Variants in DOCK7 observed in about 807,000 individuals in gnomAD.
The protein encoded by DOCK7 is dedicator of cytokinesis 7, also known as dedicator of cytokinesis protein 7.
DOCK7 carries 138 observed loss-of-function variants against 271.0 expected under a neutral mutation model. The ratio of observed to expected loss-of-function variants is 0.51; its 90% CI spans 0.44 to 0.59. The LOEUF is 0.59. DOCK7 is among the 20% of genes least tolerant of loss of function. The pLI, the probability that DOCK7 is intolerant of heterozygous loss-of-function variation, is 0.00. For missense variants in DOCK7, 2,066 were observed against 2,592.4 expected, an observed-to-expected ratio of 0.80 and a Z score of 4.41; for synonymous variants, 823 against 876.1, an observed-to-expected ratio of 0.94 and a Z score of 1.07.
At chr1:62,682,671 A>G (rs1192436537) in intron 1 of DOCK7, among the ~76,000 whole-genome samples, 1 of 152,216 alleles carries the variant, frequency 6.6e-6, no homozygotes, top group Non-Finnish European at 1.5e-5. Flanking sequence ...CCAAGGATTG[A>G]TGAGGAAGAG....
chr1:62,501,335 T>C (rs1455016792), intron 37 of DOCK7, among the ~76,000 whole-genome samples: 1 of 152,070 alleles, frequency 6.6e-6, no homozygotes, highest in African/African-American at 2.4e-5. Context: ...AAGACTGAAA[T>C]GTTACAGCTA....
intron 11 of DOCK7, among the ~76,000 whole-genome samples, chr1:62,627,299 T>C (rs142403881): frequency 7.2e-5 from 11 of 152,272 alleles, no homozygotes; most frequent in African/African-American, 2.6e-4. Context: ...GAAAGACTGA[T>C]TGCATTTTCC....
chr1:62,558,968 C>T (rs77950340), intron 20 of DOCK7, 21 bp downstream of exon 20: 6 of 1,573,104 alleles, frequency 3.8e-6, no homozygotes, highest in Non-Finnish European at 5.2e-6. Flanking sequence ...CACGTCTCAT[C>T]CCCAAACAAA....
chr1:62,620,037 T>C (rs1405629049), intron 12 of DOCK7, 44 bp from the exon 13 acceptor site: 2 of 1,513,692 alleles, frequency 1.3e-6, no homozygotes, highest in South Asian at 1.1e-5. Flanking sequence ...AAAACAAATA[T>C]AGCCAGGCAC....
chr1:62,589,868 C>A, intron 14 of DOCK7, among the ~76,000 whole-genome samples: 1 of 133,688 alleles, frequency 7.5e-6, no homozygotes, highest in African/African-American at 2.9e-5. Flanking sequence ...GGTGACAGAG[C>A]AAGACTCCAT....
At chr1:62,612,714 T>C (rs1217891872) in intron 14 of DOCK7, among the ~76,000 whole-genome samples, 1 of 152,208 alleles carries the variant, frequency 6.6e-6, no homozygotes, top group East Asian at 1.9e-4. Context: ...TTAAGAGATG[T>C]ATGGGCATAT....
chr1:62,607,373 T>G (rs546323033), intron 14 of DOCK7, among the ~76,000 whole-genome samples: 19 of 152,350 alleles, frequency 1.2e-4, no homozygotes, highest in African/African-American at 4.6e-4. Flanking sequence ...CTCTGGCTTT[T>G]CACTCAACTT....
intron 17 of DOCK7, 104 bp from the exon 18 acceptor site, chr1:62,577,467 C>A (rs551357715): frequency 5.0e-6 from 3 of 595,204 alleles, no homozygotes; most frequent in Admixed American, 3.1e-5. Flanking sequence ...TGTCCCATAT[C>A]ATCAAACATT....
At position 62,469,906 on chromosome 1, in the gene DOCK7, C is replaced by CAA. The variant is rs35490114; in HGVS notation, c.6212+4074_6212+4075dup. On this transcript the variant is annotated intron_variant, in intron 48 of 49. Coordinates refer to ENST00000635253, the MANE Select transcript of DOCK7 (RefSeq NM_001367561.1). The stretch of plus-strand genomic sequence containing the variant: ...GCAAGAATGGCCATAATCAAAAACT[C>CAA]AAAAAAAAAAAAAAAAATGGATACT... 6.8e-3 allele frequency among the ~76,000 whole-genome samples: 930 copies of CAA among 137,740 alleles called. 15 individuals carry two copies. The highest frequency in any genetic ancestry group is 0.032 in the Admixed American group (447 of 14,010). 90.4% of individuals were successfully genotyped at this position (137,740 alleles called of 152,430 possible). A position where few individuals can be genotyped will look rare whatever the true frequency, so the allele number is the denominator to read the frequency against.
At chr1:62,670,280 C>T (rs555583621) in intron 1 of DOCK7, among the ~76,000 whole-genome samples, 12 of 152,258 alleles carry the variant, frequency 7.9e-5, no homozygotes, top group Non-Finnish European at 1.5e-4. Flanking sequence ...TGCGAGCGCA[C>T]GGCGCAGGAC....
intron 1 of DOCK7, among the ~76,000 whole-genome samples, chr1:62,671,392 G>A (rs967380056): frequency 6.6e-6 from 1 of 152,320 alleles, no homozygotes; most frequent in Admixed American, 6.5e-5. Flanking sequence ...ATGCTTGAAT[G>A]GAACAACTTA....
At chr1:62,569,199 A>G (rs1646684160) in intron 18 of DOCK7, among the ~76,000 whole-genome samples, 1 of 152,178 alleles carries the variant, frequency 6.6e-6, no homozygotes, top group Admixed American at 6.6e-5. Context: ...AAACTATTCC[A>G]AACAACTGCA....
chr1:62,633,361 A>G (rs1229444955), intron 10 of DOCK7, 137 bp downstream of exon 10: 4 of 643,172 alleles, frequency 6.2e-6, no homozygotes, highest in Non-Finnish European at 1.1e-5. Flanking sequence ...ATATAGTACT[A>G]GTAAAATTCC....
chr1:62,603,451 TA>T (rs1650457301), intron 14 of DOCK7, among the ~76,000 whole-genome samples: 1 of 151,816 alleles, frequency 6.6e-6, no homozygotes, highest in Admixed American at 6.6e-5. Context: ...CTTTTAAATT[TA>T]AAATGATTTT....
At chr1:62,681,823 A>G (rs1406521747) in intron 1 of DOCK7, among the ~76,000 whole-genome samples, 1 of 152,186 alleles carries the variant, frequency 6.6e-6, no homozygotes, top group Non-Finnish European at 1.5e-5. Flanking sequence ...AATCTCACAA[A>G]TTATAATTTT....
intron 7 of DOCK7, among the ~76,000 whole-genome samples, chr1:62,646,188 T>C (rs985790561): frequency 2.7e-5 from 4 of 149,726 alleles, no homozygotes; most frequent in Admixed American, 6.6e-5. Context: ...AACCCACTCA[T>C]ATATGCTATA....
chr1:62,679,469 G>A (rs1660873174), intron 1 of DOCK7, among the ~76,000 whole-genome samples: 1 of 152,128 alleles, frequency 6.6e-6, no homozygotes, highest in Admixed American at 6.5e-5. Flanking sequence ...AACAATGGAG[G>A]AGGGGGATAA....
At chr1:62,531,631 T>A (rs1187423049) in intron 29 of DOCK7, among the ~76,000 whole-genome samples, 1 of 152,216 alleles carries the variant, frequency 6.6e-6, no homozygotes, top group African/African-American at 2.4e-5. Flanking sequence ...AGAGCAAATC[T>A]TTCATTAATT....
chr1:62,480,702 G>T (rs530523820), intron 43 of DOCK7, among the ~76,000 whole-genome samples: 2 of 152,250 alleles, frequency 1.3e-5, no homozygotes, highest in African/African-American at 4.8e-5. Context: ...AACTGTTCTA[G>T]ATATTTATGA....
Sources: allele counts gnomAD v4.1 joint callset (sites outside exome capture counted in the v4.1 genomes callset), GRCh38; gene constraint gnomAD v4.1.1; transcripts MANE v1.5; gene names NCBI Gene and HGNC (gene_info 2026-07-23, HGNC 2026-07-21).